CALD1: variants seen among roughly 807,000 people sequenced by gnomAD.
CALD1 encodes caldesmon 1.
In CALD1, 33 loss-of-function variants were observed where a neutral mutation model predicts 99.9. That is an observed-to-expected ratio of 0.33 (90% CI 0.25 to 0.44). The LOEUF is 0.44. Among genes scored for constraint, CALD1 ranks in the 20% least tolerant of loss-of-function variants. The probability of loss-of-function intolerance (pLI) is 1.00; values close to 1 mark genes in which losing one functional copy is unlikely to be tolerated. For synonymous variants in CALD1, 310 were observed against 325.0 expected, an observed-to-expected ratio of 0.95 and a Z score of 0.50; for missense variants, 861 against 962.1, an observed-to-expected ratio of 0.89 and a Z score of 1.39.
the CALD1 span, among the ~76,000 whole-genome samples, chr7:134,729,470 C>T: frequency 6.6e-6 from 1 of 152,224 alleles, no homozygotes; most frequent in Non-Finnish European, 1.5e-5. Flanking sequence ...GGGCACAGGG[C>T]AGGTAAGTAC....
intron 3 of CALD1, among the ~76,000 whole-genome samples, chr7:134,918,613 T>C (rs1403320873): frequency 2.0e-5 from 3 of 152,238 alleles, no homozygotes; most frequent in Non-Finnish European, 2.9e-5. Flanking sequence ...GGGATGCGAT[T>C]GAAGAGGAGC....
chr7:134,872,907 A>C (rs1476649587), intron 3 of CALD1, among the ~76,000 whole-genome samples: 1 of 152,118 alleles, frequency 6.6e-6, no homozygotes, highest in Non-Finnish European at 1.5e-5. Flanking sequence ...TTCTGGCCGG[A>C]TGCAATGGCT....
chr7:134,856,931 A>C (rs1420867853), intron 2 of CALD1, among the ~76,000 whole-genome samples: 1 of 152,252 alleles, frequency 6.6e-6, no homozygotes, highest in African/African-American at 2.4e-5. Context: ...AACAAGTGTG[A>C]GCCTAATGCG....
At chr7:134,754,563 G>T (rs941454245) in intron 1 of CALD1, among the ~76,000 whole-genome samples, 2 of 152,184 alleles carry the variant, frequency 1.3e-5, no homozygotes, top group African/African-American at 4.8e-5. Flanking sequence ...TCTGTTAACA[G>T]ATGTGTAGTC....
At chr7:134,771,705 T>A (rs1248314177) in intron 1 of CALD1, among the ~76,000 whole-genome samples, 1 of 152,124 alleles carries the variant, frequency 6.6e-6, no homozygotes, top group Non-Finnish European at 1.5e-5. Context: ...GCTAGAAGCC[T>A]CTGGATGGCG....
At chr7:134,827,724 G>A (rs1268928508) in intron 1 of CALD1, among the ~76,000 whole-genome samples, 1 of 152,216 alleles carries the variant, frequency 6.6e-6, no homozygotes, top group Non-Finnish European at 1.5e-5. Context: ...GTCAGTCAAA[G>A]GTGTTATTTG....
chr7:134,753,010 G>GAAAAAAAAAAC (rs1796698547), intron 1 of CALD1, among the ~76,000 whole-genome samples: 1 of 99,074 alleles, frequency 1.0e-5, no homozygotes. Context: ...ACTCTGTATC[G>GAAAAAAAAAAC]AAAAAAAAAA....
chr7:134,864,245 G>T (rs1218650678), intron 2 of CALD1, among the ~76,000 whole-genome samples: 1 of 151,746 alleles, frequency 6.6e-6, no homozygotes, highest in African/African-American at 2.4e-5. Context: ...TACTCAGGAG[G>T]CTGAAGCAGG....
At chr7:134,884,108 A>AT (rs1801738408) in intron 3 of CALD1, among the ~76,000 whole-genome samples, 1 of 97,860 alleles carries the variant, frequency 1.0e-5, no homozygotes, top group South Asian at 3.6e-4. Flanking sequence ...GTCTCAAAAA[A>AT]GAAAAAAAAA....
intron 3 of CALD1, among the ~76,000 whole-genome samples, chr7:134,869,942 A>C (rs969927783): frequency 6.6e-6 from 1 of 152,138 alleles, no homozygotes; most frequent in Non-Finnish European, 1.5e-5. Flanking sequence ...CCCAATGTTG[A>C]GTGGACATGG....
intron 1 of CALD1, among the ~76,000 whole-genome samples, chr7:134,840,277 C>T (rs963440355): frequency 2.0e-5 from 3 of 152,028 alleles, no homozygotes; most frequent in East Asian, 1.9e-4. Context: ...CATTTAGGTG[C>T]GGGATGATGT....
At chr7:134,726,991 C>T in the CALD1 span, among the ~76,000 whole-genome samples, 2 of 152,162 alleles carry the variant, frequency 1.3e-5, no homozygotes, top group African/African-American at 4.8e-5. Context: ...AGAAATGTTC[C>T]TCCTCCTCAC....
chr7:134,736,971 T>C, the CALD1 span, among the ~76,000 whole-genome samples: 1 of 152,238 alleles, frequency 6.6e-6, no homozygotes, highest in Non-Finnish European at 1.5e-5. Context: ...GGTCTTCTTG[T>C]TCACTAATTC....
chr7:134,800,992 C>T (rs1797921844), intron 1 of CALD1, among the ~76,000 whole-genome samples: 1 of 152,026 alleles, frequency 6.6e-6, no homozygotes, highest in African/African-American at 2.4e-5. Flanking sequence ...ATCTAACCTA[C>T]AGTATAAGTG....
chr7:134,780,093 A>C (rs963721325), intron 1 of CALD1, among the ~76,000 whole-genome samples: 1 of 152,220 alleles, frequency 6.6e-6, no homozygotes, highest in African/African-American at 2.4e-5. Context: ...TAGCAAGCCT[A>C]CTGCACCAGA....
intron 9 of CALD1, among the ~76,000 whole-genome samples, chr7:134,956,385 T>G (rs1038991084): frequency 1.3e-5 from 2 of 152,176 alleles, no homozygotes; most frequent in African/African-American, 2.4e-5. Flanking sequence ...TATGATGGTA[T>G]TAGGAGGTGG....
chr7:134,867,145 A>G (rs1015201368), intron 2 of CALD1: 1 of 152,236 alleles, frequency 6.6e-6, no homozygotes, highest in Non-Finnish European at 1.5e-5. Context: ...ATGTTGCTTC[A>G]TGATGTTTAT....
chr7:134,940,578 T>C (rs1806351553), intron 6 of CALD1, among the ~76,000 whole-genome samples: 1 of 152,234 alleles, frequency 6.6e-6, no homozygotes, highest in Non-Finnish European at 1.5e-5. Context: ...ATTTACTCAG[T>C]TGATTAAAAT....
At chr7:134,827,457 T>C (rs1799044320) in intron 1 of CALD1, among the ~76,000 whole-genome samples, 1 of 152,224 alleles carries the variant, frequency 6.6e-6, no homozygotes, top group African/African-American at 2.4e-5. Context: ...CGTTACCCCA[T>C]TTCCCTCTCA....
Sources: gnomAD v4.1 joint callset for allele counts (sites outside exome capture counted in the v4.1 genomes callset) on GRCh38, gnomAD v4.1.1 for gene constraint, MANE v1.5 for transcripts, NCBI Gene and HGNC (gene_info 2026-07-23, HGNC 2026-07-21) for gene names.